The following CTNND2 variants were observed in gnomAD, a reference collection of about 807,000 sequenced individuals.
The protein encoded by CTNND2 is catenin delta 2, also known as catenin delta-2.
Under a neutral mutation model 144.4 loss-of-function variants are expected in CTNND2, and 22 were observed. The observed-to-expected ratio is 0.15, with a 90% CI of 0.11 to 0.22. The LOEUF (loss-of-function observed/expected upper bound fraction) is 0.22. CTNND2 is among the 10% of genes least tolerant of loss of function. The pLI is 1.00. For missense variants in CTNND2, 1,353 were observed against 1,618.8 expected, an observed-to-expected ratio of 0.84 and a Z score of 2.82; for synonymous variants, 751 against 695.6, an observed-to-expected ratio of 1.08 and a Z score of -1.25.
At chr5:11,722,370 G>C (rs998875004) in intron 2 of CTNND2, among the ~76,000 whole-genome samples, 2 of 152,142 alleles carry the variant, frequency 1.3e-5, no homozygotes, top group Non-Finnish European at 2.9e-5. Flanking sequence ...ACAGTTGCAG[G>C]TAAGTATGCT....
chr5:11,384,433 G>C lies in CTNND2; in HGVS notation c.1177+232C>G, dbSNP rs115624871. ...GAGAGAAGAGAGGAGAGAAGAGAGT[G>C]ATATAGGTGTTAGAGATTGAGACAC... is the stretch of plus-strand genomic sequence containing the variant. On this transcript the variant is annotated intron_variant, in intron 7 of 21. Coordinates refer to ENST00000304623, the MANE Select transcript of CTNND2 (RefSeq NM_001332.4). This position sits in a 1 kb window ranked among gnomAD's most constrained non-coding sequence, Gnocchi z 5.2. The C allele has an allele frequency of 5.4e-3, 3,053 of 565,928 alleles. 19 individuals carry two copies. The highest frequency in any genetic ancestry group is 7.7e-3 in the Non-Finnish European group (2,461 of 320,452). The allele number at this position is 565,928 out of a possible 1,614,324, so 35.1% of individuals were successfully genotyped here.
intron 3 of CTNND2, among the ~76,000 whole-genome samples, chr5:11,516,280 A>G (rs1772158556): frequency 6.6e-6 from 1 of 152,022 alleles, no homozygotes; most frequent in Admixed American, 6.6e-5. Flanking sequence ...AAGGATGTCC[A>G]CTCTCAACAC....
intron 6 of CTNND2, among the ~76,000 whole-genome samples, chr5:11,389,421 T>C (rs1302519563): frequency 6.6e-6 from 1 of 152,228 alleles, no homozygotes; most frequent in Non-Finnish European, 1.5e-5. Context: ...AATTATTTTA[T>C]CTGTATACAT....
chr5:11,438,075 C>T (rs1202758110), intron 3 of CTNND2, among the ~76,000 whole-genome samples: 1 of 152,054 alleles, frequency 6.6e-6, no homozygotes, highest in African/African-American at 2.4e-5. Context: ...TGAGAGTCTT[C>T]GTTGGGAAGA....
At chr5:11,859,514 A>G (rs930741050) in intron 1 of CTNND2, among the ~76,000 whole-genome samples, 3 of 152,020 alleles carry the variant, frequency 2.0e-5, no homozygotes, top group Non-Finnish European at 4.4e-5. Context: ...GACCCCCTAT[A>G]TGTCTACACG....
At chr5:11,237,231 G>C (rs1458396015) in intron 9 of CTNND2, among the ~76,000 whole-genome samples, 2 of 152,014 alleles carry the variant, frequency 1.3e-5, no homozygotes, top group Non-Finnish European at 2.9e-5. Context: ...GTGTTAGCCA[G>C]GATGATCTCG....
intron 1 of CTNND2, among the ~76,000 whole-genome samples, chr5:11,814,447 G>A (rs2126916692): frequency 6.6e-6 from 1 of 152,350 alleles, no homozygotes; most frequent in South Asian, 2.1e-4. Flanking sequence ...CTGGTTTAAA[G>A]AGTTCTATAA....
intron 2 of CTNND2, among the ~76,000 whole-genome samples, chr5:11,679,176 C>T (rs954866254): frequency 1.3e-5 from 2 of 152,012 alleles, no homozygotes; most frequent in Non-Finnish European, 2.9e-5. Context: ...AGGCACACCC[C>T]TATCCTGGAG....
chr5:11,321,200 A>G (rs539092377), intron 9 of CTNND2, among the ~76,000 whole-genome samples: 1 of 152,364 alleles, frequency 6.6e-6, no homozygotes, highest in East Asian at 1.9e-4. Flanking sequence ...AAAAATGGAT[A>G]ATGTTTTATA....
chr5:11,781,757 T>G (rs750472957), intron 1 of CTNND2, among the ~76,000 whole-genome samples: 5 of 152,208 alleles, frequency 3.3e-5, no homozygotes, highest in Non-Finnish European at 7.3e-5. Context: ...TTCTCCACAC[T>G]GAATTATACT....
At chr5:11,276,826 T>C (rs1746584792) in intron 9 of CTNND2, among the ~76,000 whole-genome samples, 1 of 151,988 alleles carries the variant, frequency 6.6e-6, no homozygotes, top group Non-Finnish European at 1.5e-5. Flanking sequence ...CACGTGAAGA[T>C]GGAGGTGGAG....
At chr5:11,598,300 T>C (rs1195274978) in intron 2 of CTNND2, among the ~76,000 whole-genome samples, 3 of 152,066 alleles carry the variant, frequency 2.0e-5, no homozygotes, top group African/African-American at 7.2e-5. Context: ...ATAAATCAGA[T>C]TCTCCATCCC....
intron 18 of CTNND2, among the ~76,000 whole-genome samples, chr5:11,004,780 A>G (rs1740310528): frequency 6.6e-6 from 1 of 151,976 alleles, no homozygotes; most frequent in Non-Finnish European, 1.5e-5. Flanking sequence ...CAAAAAAAAA[A>G]AAAAAAAAAA....
chr5:10,986,747 G>A (rs1738009777), intron 20 of CTNND2: 2 of 451,184 alleles, frequency 4.4e-6, no homozygotes, highest in African/African-American at 2.0e-5. Flanking sequence ...TGCTCCTGGG[G>A]GCAGGGATAA....
chr5:11,813,207 A>G (rs775763213), intron 1 of CTNND2, among the ~76,000 whole-genome samples: 66 of 152,344 alleles, frequency 4.3e-4, no homozygotes, highest in Admixed American at 1.4e-3. Context: ...TACTGTACAG[A>G]TATGTAGCCT....
chr5:11,703,580 T>C (rs1785552910), intron 2 of CTNND2, among the ~76,000 whole-genome samples: 1 of 152,234 alleles, frequency 6.6e-6, no homozygotes, highest in African/African-American at 2.4e-5. Context: ...CTAACATTTA[T>C]TCAGCAAATG....
chr5:11,792,418 G>A (rs574426488), intron 1 of CTNND2, among the ~76,000 whole-genome samples: 6 of 152,220 alleles, frequency 3.9e-5, no homozygotes, highest in East Asian at 1.9e-4. Flanking sequence ...CTTATGTTTC[G>A]CTTTCCATTT....
intron 2 of CTNND2, among the ~76,000 whole-genome samples, chr5:11,635,497 G>A (rs1400936597): frequency 6.6e-6 from 1 of 152,122 alleles, no homozygotes; most frequent in Non-Finnish European, 1.5e-5. Context: ...ATTTCTGAAG[G>A]GAAGTTAGGG....
At chr5:11,785,741 C>T (rs1251195742) in intron 1 of CTNND2, among the ~76,000 whole-genome samples, 2 of 152,186 alleles carry the variant, frequency 1.3e-5, no homozygotes, top group African/African-American at 4.8e-5. Flanking sequence ...GGGTTACTAG[C>T]ATCTTCCCCA....
Sources: gnomAD v4.1 joint callset for allele counts (sites outside exome capture counted in the v4.1 genomes callset) on GRCh38, gnomAD v4.1.1 for gene constraint, Gnocchi (gnomAD v3.1) non-coding constraint, MANE v1.5 for transcripts, NCBI Gene and HGNC (gene_info 2026-07-23, HGNC 2026-07-21) for gene names.